LRBA: variants seen among roughly 807,000 people sequenced by gnomAD.
LRBA encodes lipopolysaccharide-responsive and beige-like anchor protein.
Under a neutral mutation model 330.0 loss-of-function variants are expected in LRBA, and 176 were observed. The observed-to-expected ratio is 0.53, with a 90% CI of 0.47 to 0.60. The LOEUF is 0.60. LRBA is among the 20% of genes least tolerant of loss of function. The pLI, the probability that LRBA is intolerant of heterozygous loss-of-function variation, is 0.00. For synonymous variants in LRBA, 1,230 were observed against 1,193.0 expected (o/e 1.03, Z -0.64); for missense variants, 3,259 against 3,444.8 (o/e 0.95, Z 1.35).
intron 9 of LRBA, among the ~76,000 whole-genome samples, chr4:150,912,628 T>C (rs1560996476): frequency 6.6e-6 from 1 of 152,152 alleles, no homozygotes; most frequent in Non-Finnish European, 1.5e-5. Flanking sequence ...CCACCCGTGG[T>C]CCATGGAAAA....
Position 150,600,488 on chromosome 4 carries a change from C to T in LRBA, c.5922-1357G>A, listed in dbSNP as rs140972880. On this transcript the variant is annotated intron_variant, in intron 37 of 56. Coordinates refer to ENST00000651943, the MANE Select transcript of LRBA (RefSeq NM_001364905.1). ...GTATTAATAAAAAGCATAAACAGTA[C>T]GTTATTTAAAGAAAATCTTTTTAAA... is the stretch of plus-strand genomic sequence containing the variant. Among the ~76,000 whole-genome samples the T allele has an allele frequency of 3.2e-4, 49 of 152,036 alleles. No individual in the cohort carries two copies. The South Asian group carries it at 5.2e-3, about 16-fold the overall frequency.
In LRBA at chr4:150,572,598, A is replaced by C. The variant is rs1581709681; in HGVS notation, c.6330+15450T>G. Among the ~76,000 whole-genome samples, 4 of 152,226 alleles carry C rather than the reference A, an allele frequency of 2.6e-5. No homozygotes were observed. The East Asian group carries it at 7.7e-4, about 29-fold the overall frequency. ...TCTCACAGTTGCACAGACTTATCTA[A>C]ATCAAAACTTCAAAAAGTTACAATA... On this transcript the variant is annotated intron_variant, in intron 40 of 56. Coordinates refer to ENST00000651943, the MANE Select transcript of LRBA (RefSeq NM_001364905.1).
chr4:150,711,403 T>A (rs1786197294), intron 36 of LRBA, among the ~76,000 whole-genome samples: 1 of 151,592 alleles, frequency 6.6e-6, no homozygotes, highest in Admixed American at 6.6e-5. Context: ...ACCCAGCTAA[T>A]TTTTTTGTAT....
At chr4:150,642,465 CAT>C (rs1400991071) in intron 37 of LRBA, among the ~76,000 whole-genome samples, 1 of 151,636 alleles carries the variant, frequency 6.6e-6, no homozygotes, top group Non-Finnish European at 1.5e-5. Context: ...TAAACAGTAA[CAT>C]GTGAAATGAT....
intron 2 of LRBA, among the ~76,000 whole-genome samples, chr4:150,967,654 C>A (rs1739053062): frequency 6.6e-6 from 1 of 152,192 alleles, no homozygotes; most frequent in African/African-American, 2.4e-5. Flanking sequence ...TCCATTGGCA[C>A]CATTTTTCCA....
intron 47 of LRBA, among the ~76,000 whole-genome samples, chr4:150,350,452 C>A (rs1301737924): frequency 1.3e-5 from 2 of 151,942 alleles, no homozygotes; most frequent in East Asian, 1.9e-4. Flanking sequence ...CGCCTGTAAT[C>A]CCAGCTATTC....
intron 40 of LRBA, among the ~76,000 whole-genome samples, chr4:150,544,301 T>TA (rs1282234367): frequency 2.0e-5 from 3 of 152,112 alleles, no homozygotes; most frequent in Admixed American, 2.0e-4. Flanking sequence ...CTAATTTTTG[T>TA]ATTTTTAGTA....
chr4:150,635,268 G>C (rs1275583590), intron 37 of LRBA, among the ~76,000 whole-genome samples: 1 of 152,134 alleles, frequency 6.6e-6, no homozygotes, highest in Non-Finnish European at 1.5e-5. Flanking sequence ...TCACCTATGT[G>C]ACAATGGTAC....
chr4:150,496,951 AT>A (rs2152112608), intron 40 of LRBA, among the ~76,000 whole-genome samples: 1 of 152,220 alleles, frequency 6.6e-6, no homozygotes, highest in South Asian at 2.1e-4. Context: ...ACTATATCCC[AT>A]TTTAATGGAA....
intron 29 of LRBA, among the ~76,000 whole-genome samples, chr4:150,829,891 ATC>A (rs775464021): frequency 1.7e-4 from 26 of 152,126 alleles, no homozygotes; most frequent in Admixed American, 3.9e-4. Flanking sequence ...TTCCCTGAAA[ATC>A]TCTTTCACCT....
intron 53 of LRBA, among the ~76,000 whole-genome samples, chr4:150,290,201 C>G (rs931775354): frequency 3.3e-5 from 5 of 152,140 alleles, no homozygotes; most frequent in African/African-American, 1.2e-4. Flanking sequence ...ATAGTTAATA[C>G]CCAGGGAGAA....
chr4:150,953,113 C>G (rs1246642613), intron 2 of LRBA, among the ~76,000 whole-genome samples: 2 of 152,110 alleles, frequency 1.3e-5, no homozygotes, highest in Admixed American at 6.5e-5. Context: ...ATCTGAAGAG[C>G]GTATCTGAAG....
chr4:150,278,290 C>T (rs1040638411), intron 55 of LRBA, among the ~76,000 whole-genome samples: 1 of 152,196 alleles, frequency 6.6e-6, no homozygotes, highest in African/African-American at 2.4e-5. Context: ...GTGTTGTGGA[C>T]TGGGACCAGT....
intron 47 of LRBA, among the ~76,000 whole-genome samples, chr4:150,414,854 A>G (rs750001254): frequency 1.3e-5 from 2 of 152,328 alleles, no homozygotes; most frequent in South Asian, 4.1e-4. Context: ...GAAACTTAAA[A>G]GGCAAAAAGG....
At chr4:150,738,179 C>T (rs1042800607) in intron 35 of LRBA, among the ~76,000 whole-genome samples, 2 of 151,656 alleles carry the variant, frequency 1.3e-5, no homozygotes, top group Non-Finnish European at 2.9e-5. Context: ...TTAGTAGAGA[C>T]GGGGTTTCAC....
intron 11 of LRBA, among the ~76,000 whole-genome samples, 172 bp downstream of exon 11, chr4:150,908,162 C>CA (rs1731556830): frequency 6.6e-6 from 1 of 152,056 alleles, no homozygotes; most frequent in Admixed American, 6.6e-5. Context: ...TACTGATAAA[C>CA]AAGAACTTAA....
intron 40 of LRBA, among the ~76,000 whole-genome samples, chr4:150,566,825 A>G (rs890730450): frequency 6.6e-6 from 1 of 152,160 alleles, no homozygotes; most frequent in Non-Finnish European, 1.5e-5. Flanking sequence ...GAATGCCATC[A>G]TCTTCCGTAT....
At chr4:150,300,336 C>T (rs1729505235) in intron 53 of LRBA, among the ~76,000 whole-genome samples, 1 of 151,928 alleles carries the variant, frequency 6.6e-6, no homozygotes. Context: ...ATTAGATGTG[C>T]TGTTATATTA....
At chr4:150,864,644 CTTT>C (rs34280757) in intron 22 of LRBA, among the ~76,000 whole-genome samples, 21 of 118,420 alleles carry the variant, frequency 1.8e-4, no homozygotes, top group Admixed American at 4.6e-4. Context: ...GGCCCACGTT[CTTT>C]TTTTTTTTTT....
Sources: allele counts gnomAD v4.1 joint callset (sites outside exome capture counted in the v4.1 genomes callset), GRCh38; gene constraint gnomAD v4.1.1; transcripts MANE v1.5; gene names NCBI Gene and HGNC (gene_info 2026-07-23, HGNC 2026-07-21).